RIIAD1: variants seen among roughly 807,000 people sequenced by gnomAD.
RIIAD1 encodes the protein RIIa domain-containing protein 1.
Under a neutral mutation model 13.3 loss-of-function variants are expected in RIIAD1, and 15 were observed. That is an observed-to-expected ratio of 1.13 (90% confidence interval 0.76 to 1.74). The LOEUF is 1.74. Ranked by LOEUF, RIIAD1 falls within the 40% of genes most tolerant of loss-of-function variation. The probability of loss-of-function intolerance (pLI) is 0.00; values close to 1 mark genes in which losing one functional copy is unlikely to be tolerated. For missense variants in RIIAD1, 121 were observed against 112.2 expected (o/e 1.08, Z -0.35); for synonymous variants, 50 against 43.3 (o/e 1.16, Z -0.61).
chr1:151,720,867 A>ATTCC (rs1440173319), upstream of RIIAD1, among the ~76,000 whole-genome samples: 1 of 152,216 alleles, frequency 6.6e-6, no homozygotes, highest in African/African-American at 2.4e-5. Flanking sequence ...TGAAGACCAA[A>ATTCC]TTCCCTTTCT....
rs367976286 is a variant in RIIAD1 at position 151,711,663 on chromosome 1, C to T, written c.-345-175C>T. Reference sequence around the variant, plus strand: ...CTCAGGGTGCATGGGCTTTCACCTCCTTCTCTCCTGTGCTCTAGCCAAAGC... The same window carrying T: ...CTCAGGGTGCATGGGCTTTCACCTCTTTCTCTCCTGTGCTCTAGCCAAAGC... On this transcript the variant is annotated intron_variant, in intron 1 of 8. Coordinates refer to the RIIAD1 transcript ENST00000326413. Among the ~76,000 whole-genome samples, 38 of 152,338 alleles carry T rather than the reference C, an allele frequency of 2.5e-4. No individual in the cohort carries two copies. The South Asian group carries it at 3.9e-3, about 16-fold the overall frequency.
intron 2 of RIIAD1, 43 bp from the exon 3 acceptor site, chr1:151,727,532 A>G: frequency 1.5e-6 from 2 of 1,350,744 alleles, no homozygotes; most frequent in South Asian, 2.5e-5. Context: ...AGCCTGCGTT[A>G]AAGTCTACTT....
intron 1 of RIIAD1, 83 bp from the exon 2 acceptor site, chr1:151,722,003 G>T (rs1223419048): frequency 2.1e-6 from 2 of 974,244 alleles, no homozygotes; most frequent in African/African-American, 1.6e-5. Context: ...TGCGCACGCC[G>T]TTTCCCGCAG....
chr1:151,717,148 A>T (rs994324811), upstream of RIIAD1, among the ~76,000 whole-genome samples: 32 of 152,018 alleles, frequency 2.1e-4, no homozygotes, highest in African/African-American at 7.0e-4. Flanking sequence ...GGTGGCGGGG[A>T]AAGAGGGGAG....
At chr1:151,724,396 C>T (rs1038514111) in intron 2 of RIIAD1, among the ~76,000 whole-genome samples, 7 of 152,130 alleles carry the variant, frequency 4.6e-5, no homozygotes, top group African/African-American at 1.7e-4. Context: ...TGATTGGTAC[C>T]GGGATGAACC....
At chr1:151,724,830 C>T (rs370071910) in intron 2 of RIIAD1, among the ~76,000 whole-genome samples, 12 of 149,692 alleles carry the variant, frequency 8.0e-5, no homozygotes, top group East Asian at 3.9e-4. Flanking sequence ...GACGGAGTCT[C>T]GCTCTGTCGC....
upstream of RIIAD1, among the ~76,000 whole-genome samples, chr1:151,720,351 G>GA (rs57818231): frequency 0.99 from 148,642 of 149,704 alleles, 73,794 homozygotes; most frequent in Middle Eastern, 1. Flanking sequence ...CTCCTGCCGG[G>GA]AAAAAAAAAA....
At chr1:151,713,798 C>G (rs1265419210) in intron 3 of RIIAD1, among the ~76,000 whole-genome samples, 2 of 152,310 alleles carry the variant, frequency 1.3e-5, no homozygotes, top group Middle Eastern at 3.4e-3. Flanking sequence ...GGATTTGCCG[C>G]AGTTGGCTTT....
chr1:151,712,289 C>T lies in RIIAD1; in HGVS notation c.-186+292C>T, dbSNP rs558550732. Among the ~76,000 whole-genome samples the T allele has an allele frequency of 2.6e-5, 4 of 152,338 alleles. No homozygotes were observed. The South Asian group carries it at 8.3e-4, about 32-fold the overall frequency. ...CCAGTATAGCCGAGCCCCTCCACCACGGTCACTTTTAAGGCCTTCATCTTT... is the reference window on the plus strand; with the variant it reads ...CCAGTATAGCCGAGCCCCTCCACCATGGTCACTTTTAAGGCCTTCATCTTT... On this transcript the variant is annotated intron_variant, in intron 2 of 8. Transcript: ENST00000326413.
upstream of RIIAD1, chr1:151,721,447 T>C: frequency 2.7e-6 from 2 of 750,520 alleles, no homozygotes; most frequent in Non-Finnish European, 3.7e-6. Flanking sequence ...TAGCCCCTGC[T>C]TCGCTGAAGG....
At chr1:151,728,311 G>A in intron 3 of RIIAD1, 1 of 180,836 alleles carries the variant, frequency 5.5e-6, no homozygotes, top group East Asian at 1.5e-4. Context: ...GAGAAGGCGT[G>A]ATAGCTCAGA....
At chr1:151,722,331 G>A (rs1673752982) in intron 2 of RIIAD1, among the ~76,000 whole-genome samples, 169 bp downstream of exon 2, 1 of 152,202 alleles carries the variant, frequency 6.6e-6, no homozygotes, top group Non-Finnish European at 1.5e-5. Context: ...ATTTGGCGTT[G>A]CGAAACCCAA....
upstream of RIIAD1, chr1:151,721,393 C>T (rs190402093): frequency 9.4e-3 from 3,921 of 415,638 alleles, 122 homozygotes; most frequent in African/African-American, 0.074. Context: ...GACCCACCCC[C>T]CAAGCCCCCG....
chr1:151,724,994 G>C (rs1673801987), intron 2 of RIIAD1, among the ~76,000 whole-genome samples: 1 of 151,074 alleles, frequency 6.6e-6, no homozygotes, highest in Non-Finnish European at 1.5e-5. Flanking sequence ...TTTTTTAGTA[G>C]AGACGGGGTT....
intron 2 of RIIAD1, among the ~76,000 whole-genome samples, chr1:151,727,027 G>A (rs952187653): frequency 2.0e-5 from 3 of 152,148 alleles, no homozygotes; most frequent in Non-Finnish European, 4.4e-5. Context: ...CGTGGCTCAC[G>A]CCTGTAATCC....
intron 2 of RIIAD1, among the ~76,000 whole-genome samples, chr1:151,725,962 C>T (rs1390437169): frequency 6.6e-5 from 10 of 152,212 alleles, no homozygotes; most frequent in Admixed American, 6.5e-4. Context: ...GGAGCTCAGG[C>T]ACAGATGCCT....
At chr1:151,717,000 A>G (rs1252770854), upstream of RIIAD1, among the ~76,000 whole-genome samples, 1 of 151,838 alleles carries the variant, frequency 6.6e-6, no homozygotes, top group Non-Finnish European at 1.5e-5. Flanking sequence ...GTTGATAATA[A>G]CCCTTCCCCC....
At chr1:151,714,205 A>T (rs1673265502) in intron 3 of RIIAD1, among the ~76,000 whole-genome samples, 1 of 151,930 alleles carries the variant, frequency 6.6e-6, no homozygotes, top group Admixed American at 6.6e-5. Flanking sequence ...ACAGCCACCC[A>T]GCCTGCCTTT....
chr1:151,728,595 G>C (rs1469739375), intron 3 of RIIAD1, 171 bp from the exon 4 acceptor site: 8 of 599,940 alleles, frequency 1.3e-5, no homozygotes, highest in Non-Finnish European at 2.4e-5. Flanking sequence ...GCTCGGGTGG[G>C]GGCAGTGACC....
Sources: allele counts gnomAD v4.1 joint callset (sites outside exome capture counted in the v4.1 genomes callset), GRCh38; gene constraint gnomAD v4.1.1; transcripts MANE v1.5; gene names NCBI Gene and HGNC (gene_info 2026-07-23, HGNC 2026-07-21).